Variants in ADGRD1 observed in about 807,000 individuals in gnomAD.
The protein encoded by ADGRD1 is G-protein coupled receptor 133.
Under a neutral mutation model 113.4 loss-of-function variants are expected in ADGRD1, and 77 were observed. That is an observed-to-expected ratio of 0.68 (90% confidence interval 0.57 to 0.82). The LOEUF is 0.82. ADGRD1 is among the 40% of genes least tolerant of loss of function. ADGRD1 has a pLI of 0.00. For synonymous variants in ADGRD1, 474 were observed against 475.0 expected (o/e 1.00, Z 0.03); for missense variants, 1,036 against 1,139.1 (o/e 0.91, Z 1.30).
At chr12:131,128,858 G>GT in intron 20 of ADGRD1, among the ~76,000 whole-genome samples, 1 of 151,564 alleles carries the variant, frequency 6.6e-6, no homozygotes, top group Non-Finnish European at 1.5e-5. Context: ...CTGTCTGGGT[G>GT]TGGACGGCAG....
At chr12:131,117,336 G>A (rs1251222642) in intron 18 of ADGRD1, among the ~76,000 whole-genome samples, 1 of 152,172 alleles carries the variant, frequency 6.6e-6, no homozygotes, top group Admixed American at 6.5e-5. Flanking sequence ...AGGCAAAAAG[G>A]GAATGTGATG....
intron 6 of ADGRD1, chr12:130,988,195 C>T (rs867469701): frequency 7.2e-6 from 1 of 138,466 alleles, no homozygotes; most frequent in Non-Finnish European, 1.7e-5. Context: ...AGGCCATTAG[C>T]ACAATGCCTG....
chr12:131,071,599 C>T (rs941626501), intron 13 of ADGRD1, among the ~76,000 whole-genome samples: 7 of 152,198 alleles, frequency 4.6e-5, no homozygotes, highest in South Asian at 2.1e-4. Flanking sequence ...CCTCTCCACA[C>T]ATACCATGGC....
chr12:130,955,949 T>C (rs1869527499), intron 2 of ADGRD1, among the ~76,000 whole-genome samples: 1 of 152,134 alleles, frequency 6.6e-6, no homozygotes, highest in Non-Finnish European at 1.5e-5. Flanking sequence ...CCACCACGCC[T>C]GGCTAATTTT....
At chr12:131,014,161 C>G in intron 12 of ADGRD1, 38 bp from the exon 13 acceptor site, 1 of 1,601,244 alleles carries the variant, frequency 6.2e-7, no homozygotes. Flanking sequence ...TGCTCCCCTG[C>G]GTTTCCCATT....
At chr12:131,033,950 C>T (rs573390370) in intron 13 of ADGRD1, among the ~76,000 whole-genome samples, 2 of 152,266 alleles carry the variant, frequency 1.3e-5, no homozygotes, top group South Asian at 2.1e-4. Flanking sequence ...CGGGGGATGC[C>T]GGCTCCACCT....
intron 5 of ADGRD1, among the ~76,000 whole-genome samples, chr12:130,986,124 T>C (rs1002278806): frequency 6.6e-6 from 1 of 152,202 alleles, no homozygotes; most frequent in East Asian, 1.9e-4. Context: ...TTTTTCTCCT[T>C]CAATATTGTA....
intron 20 of ADGRD1, among the ~76,000 whole-genome samples, chr12:131,122,642 T>A (rs1281751581): frequency 6.6e-6 from 1 of 152,080 alleles, no homozygotes; most frequent in Non-Finnish European, 1.5e-5. Context: ...TGACAGAGGG[T>A]GGGAAGGGTA....
intron 13 of ADGRD1, among the ~76,000 whole-genome samples, chr12:131,054,834 G>A (rs537046995): frequency 4.6e-5 from 7 of 152,166 alleles, no homozygotes; most frequent in South Asian, 2.1e-4. Context: ...TATAGAGCTC[G>A]CTTCTGCGCT....
intron 19 of ADGRD1, chr12:131,120,567 A>G (rs2137413814): frequency 1.9e-6 from 1 of 530,280 alleles, no homozygotes. Context: ...AGTCCCCAGC[A>G]AAGGTCTATT....
In ADGRD1 at chr12:130,954,455, C is replaced by G; in HGVS notation, c.-11C>G. 6.5e-7 allele frequency: 1 copy of G among 1,540,366 alleles called. No homozygotes were observed. The highest frequency in any genetic ancestry group is 2.3e-5 in the East Asian group (1 of 43,634). On this transcript the variant is annotated 5_prime_UTR_variant, in exon 1 of 25. Transcript: ENST00000261654. The surrounding 1 kb of genome is among the most constrained non-coding windows in gnomAD (Gnocchi z 4.7). ...TTCACTTGGCTCCGAGCTTTGACCT[C>G]CGAGAGAGCCATGGAAAAGCTGCTG... is the stretch of plus-strand genomic sequence containing the variant.
intron 20 of ADGRD1, among the ~76,000 whole-genome samples, chr12:131,121,552 G>A (rs527765879): frequency 2.0e-5 from 3 of 152,168 alleles, no homozygotes; most frequent in Non-Finnish European, 4.4e-5. Flanking sequence ...AGCTAATTTT[G>A]TATTTTTAGT....
chr12:131,104,709 G>A, intron 15 of ADGRD1, 122 bp from the exon 16 acceptor site: 1 of 609,208 alleles, frequency 1.6e-6, no homozygotes, highest in Non-Finnish European at 2.8e-6. Context: ...TGGGAGGCAG[G>A]CTTGGTGGTC....
chr12:131,065,086 C>T (rs930181049), intron 13 of ADGRD1, among the ~76,000 whole-genome samples: 2 of 152,182 alleles, frequency 1.3e-5, no homozygotes, highest in African/African-American at 4.8e-5. Context: ...AAGTCCTTTT[C>T]GAATAAATCT....
chr12:130,992,293 C>G lies in ADGRD1; in HGVS notation c.867C>G (p.Thr289=), dbSNP rs926676561. ...CCAACCTGACAGAAGAGAGAAAAAC[C>G]TTCCAAAGTCCCGGAGTGATACTGA... ...IITNLTEERK[T]FQSPGVILSY... is the part of the protein sequence containing the mutation. Residue 289 remains threonine, a synonymous_variant, in exon 8 of 25, where the codon ACC becomes ACG. Coordinates refer to ENST00000261654, the MANE Select transcript of ADGRD1 (RefSeq NM_198827.5). 2 of 1,613,582 alleles carry G rather than the reference C, an allele frequency of 1.2e-6. No homozygotes were observed. The highest frequency in any genetic ancestry group is 2.2e-5 in the South Asian group (2 of 91,052).
intron 13 of ADGRD1, among the ~76,000 whole-genome samples, chr12:131,044,287 T>G (rs1000377317): frequency 6.6e-6 from 1 of 152,148 alleles, no homozygotes; most frequent in Non-Finnish European, 1.5e-5. Flanking sequence ...TTGTGTCCTG[T>G]GTGCACAAAA....
intron 3 of ADGRD1, chr12:130,970,179 T>A (rs1320141715): frequency 6.6e-6 from 1 of 152,236 alleles, no homozygotes; most frequent in South Asian, 2.1e-4. Context: ...AAAGGGGTAG[T>A]AGCAACTGAG....
chr12:130,956,835 C>A (rs11061262), intron 2 of ADGRD1: 40,206 of 152,352 alleles, frequency 0.26, 6,102 homozygotes, highest in East Asian at 0.58. Flanking sequence ...CATATGCCCA[C>A]ATGCACCAAC....
rs1950572980 is a variant in ADGRD1, at chr12:131,120,771, G to A, written c.2109-76G>A. On this transcript the variant is annotated intron_variant, in intron 19 of 24. Transcript: ENST00000261654. ...TGTAGCTGAGAAAGACATCACCTTA[G>A]CAACTACTTTTGGATGAAGGTACGC... The A allele has an allele frequency of 3.5e-6, 5 of 1,426,198 alleles. No homozygotes were observed. The South Asian group carries it at 4.6e-5, about 13-fold the overall frequency. The allele number at this position is 1,426,198 out of a possible 1,614,324, so 88.3% of individuals were successfully genotyped here. A position where few individuals can be genotyped will look rare whatever the true frequency, so the allele number is the denominator to read the frequency against.
Sources: gnomAD v4.1 joint callset for allele counts (sites outside exome capture counted in the v4.1 genomes callset) on GRCh38, gnomAD v4.1.1 for gene constraint, Gnocchi (gnomAD v3.1) non-coding constraint, MANE v1.5 for transcripts, NCBI Gene and HGNC (gene_info 2026-07-23, HGNC 2026-07-21) for gene names.